The following SLC17A1 variants were observed in gnomAD, a reference collection of about 807,000 sequenced individuals.
SLC17A1 encodes sodium-dependent phosphate transport protein 1.
SLC17A1 carries 51 observed loss-of-function variants against 53.5 expected under a neutral mutation model. The observed-to-expected ratio is 0.95, with a 90% CI of 0.76 to 1.20. SLC17A1 has a LOEUF of 1.20. Ranked by LOEUF, SLC17A1 falls within the 50% of genes most tolerant of loss-of-function variation. SLC17A1 has a pLI of 0.00. For synonymous variants in SLC17A1, 179 were observed against 198.8 expected (o/e 0.90, Z 0.84); for missense variants, 538 against 568.2 (o/e 0.95, Z 0.54).
At chr6:25,741,724 C>G in the SLC17A1 span, among the ~76,000 whole-genome samples, 2 of 151,514 alleles carry the variant, frequency 1.3e-5, no homozygotes, top group Non-Finnish European at 2.9e-5. Context: ...TCAAAAACAA[C>G]AGCAAAAATA....
At chr6:25,727,640 G>A in the SLC17A1 span, among the ~76,000 whole-genome samples, 1 of 151,902 alleles carries the variant, frequency 6.6e-6, no homozygotes, top group Admixed American at 6.6e-5. Context: ...ACCCACCTCG[G>A]TCTCCCAAAG....
At chr6:25,822,020 T>C (rs1453332457) in intron 3 of SLC17A1, among the ~76,000 whole-genome samples, 4 of 152,146 alleles carry the variant, frequency 2.6e-5, no homozygotes. Context: ...TAAAAGAATA[T>C]ATACTTTAAA....
chr6:25,779,973 C>T (rs1763220704), downstream of SLC17A1: 1 of 152,166 alleles, frequency 6.6e-6, no homozygotes, highest in Admixed American at 6.6e-5. Context: ...TTCGTTTGCC[C>T]CTCTGACTGT....
the SLC17A1 span, among the ~76,000 whole-genome samples, chr6:25,775,627 T>A: frequency 6.6e-6 from 1 of 151,836 alleles, no homozygotes; most frequent in Admixed American, 6.6e-5. Flanking sequence ...GAGGTCTTGT[T>A]ATATTGGCTA....
At chr6:25,770,529 C>T in the SLC17A1 span, 1 of 1,498,756 alleles carries the variant, frequency 6.7e-7, no homozygotes, top group Non-Finnish European at 9.3e-7. Context: ...TCAGCAAAGT[C>T]CTGCCAACAG....
intron 2 of SLC17A1, among the ~76,000 whole-genome samples, chr6:25,830,070 A>G (rs1165176): frequency 0.65 from 99,126 of 152,138 alleles, 34,185 homozygotes; most frequent in African/African-American, 0.88. Flanking sequence ...ACAACGCTAA[A>G]CCAATAGCAG....
chr6:25,733,806 A>ATGTGTGTGTG, the SLC17A1 span, among the ~76,000 whole-genome samples: 1,088 of 133,950 alleles, frequency 8.1e-3, 10 homozygotes, highest in East Asian at 0.03. Context: ...GTGTGTGTGT[A>ATGTGTGTGTG]TGTGTGTGTG....
chr6:25,761,124 T>C, the SLC17A1 span, among the ~76,000 whole-genome samples: 1 of 152,206 alleles, frequency 6.6e-6, no homozygotes, highest in African/African-American at 2.4e-5. Flanking sequence ...TCTCAGACAA[T>C]GAAGACAGTA....
chr6:25,774,869 C>T, the SLC17A1 span, among the ~76,000 whole-genome samples: 4 of 152,216 alleles, frequency 2.6e-5, no homozygotes, highest in East Asian at 3.8e-4. Context: ...CCTCGGCTTA[C>T]GCATCTGTAA....
chr6:25,769,998 TCAAG>T, the SLC17A1 span: 1 of 1,443,458 alleles, frequency 6.9e-7, no homozygotes, highest in African/African-American at 1.4e-5. Flanking sequence ...TTTTTGCCTC[TCAAG>T]TCCTCACAAT....
At chr6:25,819,431 C>A (rs1472457639) in intron 5 of SLC17A1, 80 bp downstream of exon 5, 15 of 1,174,494 alleles carry the variant, frequency 1.3e-5, no homozygotes, top group Admixed American at 1.8e-5. Flanking sequence ...TCAAAACACA[C>A]ATTTCTTATG....
chr6:25,819,185 T>G, intron 5 of SLC17A1, 31 bp from the exon 6 acceptor site: 1 of 1,446,026 alleles, frequency 6.9e-7, no homozygotes, highest in South Asian at 1.3e-5. Flanking sequence ...ACACCCCTAA[T>G]TAATGCAGGC....
intron 3 of SLC17A1, among the ~76,000 whole-genome samples, chr6:25,821,036 G>T (rs1276844232): frequency 1.3e-5 from 2 of 152,112 alleles, no homozygotes; most frequent in Non-Finnish European, 1.5e-5. Flanking sequence ...AGGAGGACAG[G>T]ATAAAGTTTA....
chr6:25,825,319 G>A (rs180682903), intron 3 of SLC17A1, among the ~76,000 whole-genome samples: 1 of 150,822 alleles, frequency 6.6e-6, no homozygotes, highest in Admixed American at 6.6e-5. Context: ...GAAAATTGAA[G>A]GACAAAAATT....
At chr6:25,828,091 T>C (rs921342715) in intron 2 of SLC17A1, among the ~76,000 whole-genome samples, 6 of 152,280 alleles carry the variant, frequency 3.9e-5, no homozygotes, top group African/African-American at 1.4e-4. Flanking sequence ...TATATGCCCC[T>C]AACACTTTTA....
intron 10 of SLC17A1, among the ~76,000 whole-genome samples, chr6:25,804,371 C>T (rs1386793522): frequency 6.6e-6 from 1 of 151,998 alleles, no homozygotes; most frequent in African/African-American, 2.4e-5. Context: ...CAGACTATCC[C>T]TACAAGAAAT....
chr6:25,773,158 G>T, the SLC17A1 span: 1 of 796,698 alleles, frequency 1.3e-6, no homozygotes, highest in East Asian at 2.4e-5. Flanking sequence ...AGGGATAGAT[G>T]CCAGGAAGAG....
At chr6:25,792,137 C>T (rs930209793) in intron 12 of SLC17A1, among the ~76,000 whole-genome samples, 6 of 152,176 alleles carry the variant, frequency 3.9e-5, no homozygotes, top group African/African-American at 1.2e-4. Flanking sequence ...TGAAAATCTG[C>T]ATCCTTTTAT....
the SLC17A1 span, among the ~76,000 whole-genome samples, chr6:25,750,720 C>T: frequency 1.3e-5 from 2 of 151,466 alleles, no homozygotes; most frequent in African/African-American, 4.9e-5. Flanking sequence ...TGACATAATA[C>T]CACAGAACTA....
Sources: gnomAD v4.1 joint callset for allele counts (sites outside exome capture counted in the v4.1 genomes callset) on GRCh38, gnomAD v4.1.1 for gene constraint, MANE v1.5 for transcripts, NCBI Gene and HGNC (gene_info 2026-07-23, HGNC 2026-07-21) for gene names.